CTNNA2: variants seen among roughly 807,000 people sequenced by gnomAD.
The protein encoded by CTNNA2 is catenin alpha 2.
A neutral mutation model predicts 101.0 loss-of-function variants in CTNNA2; 42 were observed. That is an observed-to-expected ratio of 0.42 (90% CI 0.32 to 0.54). The LOEUF is 0.54. CTNNA2 is among the 20% of genes least tolerant of loss of function. CTNNA2 has a pLI of 0.14. For missense variants in CTNNA2, 871 were observed against 1,223.1 expected (o/e 0.71, Z 4.29); for synonymous variants, 450 against 456.4 (o/e 0.99, Z 0.18).
At chr2:80,094,180 G>A (rs373326468) in intron 7 of CTNNA2, among the ~76,000 whole-genome samples, 3 of 152,146 alleles carry the variant, frequency 2.0e-5, no homozygotes, top group East Asian at 1.9e-4. Context: ...ATTAATTTTT[G>A]TATAAGGTAT....
At chr2:80,476,156 CATGACCACAGATG>C (rs1339728258) in intron 9 of CTNNA2, among the ~76,000 whole-genome samples, 4 of 152,062 alleles carry the variant, frequency 2.6e-5, no homozygotes, top group African/African-American at 9.7e-5. Flanking sequence ...TAGCTGAACC[CATGACCACAGATG>C]ATGTCTGATT....
At chr2:80,025,964 A>G (rs760466890) in intron 7 of CTNNA2, among the ~76,000 whole-genome samples, 6 of 152,210 alleles carry the variant, frequency 3.9e-5, no homozygotes, top group Admixed American at 6.5e-5. Context: ...CACAAGCAAC[A>G]TAAGTAAGCA....
At chr2:79,570,027 A>T (rs758958047) in intron 1 of CTNNA2, among the ~76,000 whole-genome samples, 21 of 152,198 alleles carry the variant, frequency 1.4e-4, no homozygotes, top group African/African-American at 1.4e-4. Context: ...TAGAGAATTT[A>T]TTCTATATCT....
chr2:80,174,913 C>T (rs1343606361), intron 7 of CTNNA2, among the ~76,000 whole-genome samples: 1 of 152,096 alleles, frequency 6.6e-6, no homozygotes, highest in Non-Finnish European at 1.5e-5. Flanking sequence ...TATTAGCAAC[C>T]CCTCTGGCCT....
chr2:79,814,982 G>C (rs1256273654), intron 3 of CTNNA2, among the ~76,000 whole-genome samples: 1 of 152,052 alleles, frequency 6.6e-6, no homozygotes, highest in East Asian at 1.9e-4. Flanking sequence ...TGGGAGTAAG[G>C]TGGTATCACA....
At chr2:80,346,199 AG>A (rs1443071781) in intron 7 of CTNNA2, among the ~76,000 whole-genome samples, 1 of 152,242 alleles carries the variant, frequency 6.6e-6, no homozygotes, top group African/African-American at 2.4e-5. Context: ...ATTGCTTTAA[AG>A]AAACACCTGT....
intron 2 of CTNNA2, among the ~76,000 whole-genome samples, chr2:79,685,508 A>T (rs991959132): frequency 1.3e-5 from 2 of 152,186 alleles, no homozygotes; most frequent in African/African-American, 4.8e-5. Context: ...CAACCTCAAC[A>T]TGCGACCCCC....
rs571267209 is a variant in CTNNA2, at chr2:79,693,509, G to A, written c.102+41851G>A. Among the ~76,000 whole-genome samples, 225 of 152,036 alleles carry A rather than the reference G, an allele frequency of 1.5e-3. 1 individual carries two copies. The highest frequency in any genetic ancestry group is 9.1e-3 in the South Asian group (44 of 4,822). The stretch of plus-strand genomic sequence containing the variant: ...TTACAAGCATCAGTGAATACAGTAT[G>A]TTTTTGTACTAATGGGAATAATTCA... On this transcript the variant is annotated intron_variant, in intron 2 of 18. Coordinates refer to ENST00000402739, the MANE Select transcript of CTNNA2 (RefSeq NM_001282597.3).
At chr2:80,107,579 G>A (rs912622156) in intron 7 of CTNNA2, among the ~76,000 whole-genome samples, 7 of 152,330 alleles carry the variant, frequency 4.6e-5, no homozygotes, top group Middle Eastern at 3.4e-3. Context: ...TCCTTCAAGT[G>A]TCTGGGCAAC....
At chr2:80,581,524 T>G (rs1267688359) in intron 13 of CTNNA2, among the ~76,000 whole-genome samples, 182 bp from the exon 14 acceptor site, 4 of 152,048 alleles carry the variant, frequency 2.6e-5, no homozygotes, top group Admixed American at 6.5e-5. Flanking sequence ...TAAAGTAAAT[T>G]AGGGCAGCTT....
intron 9 of CTNNA2, among the ~76,000 whole-genome samples, chr2:80,506,193 A>G (rs1688263689): frequency 6.6e-6 from 1 of 152,172 alleles, no homozygotes; most frequent in African/African-American, 2.4e-5. Context: ...TGAATGACCA[A>G]TGGAATCAGA....
chr2:79,492,062 A>T (rs1671211156), intron 4 of CTNNA2, among the ~76,000 whole-genome samples: 1 of 152,172 alleles, frequency 6.6e-6, no homozygotes, highest in South Asian at 2.1e-4. Flanking sequence ...TTATTTTGAG[A>T]CAATCAAAAT....
At position 79,651,644 on chromosome 2, in the gene CTNNA2, C is replaced by G. The variant is rs754644562; in HGVS notation, c.88C>G (p.Pro30Ala). Residue 30 changes from proline (P) to alanine (A), a missense_variant, in exon 2 of 19, where the codon CCA (proline) becomes GCA (alanine). By Grantham distance (27) the Pro-to-Ala change is conservative. Coordinates refer to ENST00000402739, the MANE Select transcript of CTNNA2 (RefSeq NM_001282597.3). ...GCTAACAGTGGAAAGGCTGTTGGAG[C>G]CACTTGTTACACAGGTAAGGGATGC... is the stretch of plus-strand genomic sequence containing the variant. Reference protein sequence around the residue: ...RTLTVERLLEPLVTQVTTLVN... With the variant: ...RTLTVERLLEALVTQVTTLVN... 6.2e-7 allele frequency: 1 copy of G among 1,613,622 alleles called. No homozygotes were observed. Among genetic ancestry groups the G allele is most frequent in the Non-Finnish European group, 8.5e-7 (1 of 1,179,722 alleles).
chr2:80,277,115 A>G (rs1673968135), intron 7 of CTNNA2, among the ~76,000 whole-genome samples: 1 of 152,176 alleles, frequency 6.6e-6, no homozygotes, highest in Non-Finnish European at 1.5e-5. Context: ...TTAAGATTAT[A>G]GATTCCTTAT....
At chr2:79,367,050 T>C (rs1363305547) in intron 3 of CTNNA2, among the ~76,000 whole-genome samples, 1 of 152,128 alleles carries the variant, frequency 6.6e-6, no homozygotes. Flanking sequence ...TGAGAGTTAA[T>C]TAGGGTTACA....
chr2:80,064,339 C>T (rs1697822963), intron 7 of CTNNA2, among the ~76,000 whole-genome samples: 2 of 152,062 alleles, frequency 1.3e-5, no homozygotes, highest in African/African-American at 4.8e-5. Context: ...TTGACAAGGC[C>T]CCAGATGATT....
At chr2:80,395,927 C>T (rs915059458) in intron 8 of CTNNA2, among the ~76,000 whole-genome samples, 34 of 152,188 alleles carry the variant, frequency 2.2e-4, no homozygotes, top group African/African-American at 8.2e-4. Flanking sequence ...TCATGTCCCG[C>T]TCTTTCAGTC....
chr2:79,651,896 G>T (rs1210431308), intron 2 of CTNNA2, among the ~76,000 whole-genome samples: 1 of 152,160 alleles, frequency 6.6e-6, no homozygotes. Flanking sequence ...TTGAAGAGGG[G>T]TCCTTGGTGA....
intron 4 of CTNNA2, among the ~76,000 whole-genome samples, chr2:79,451,835 A>C (rs964066970): frequency 2.0e-5 from 3 of 151,606 alleles, no homozygotes; most frequent in African/African-American, 7.3e-5. Flanking sequence ...TGTATGCTAG[A>C]TATAGTGAAT....
Sources: gnomAD v4.1 joint callset for allele counts (sites outside exome capture counted in the v4.1 genomes callset) on GRCh38, gnomAD v4.1.1 for gene constraint, MANE v1.5 for transcripts, NCBI Gene and HGNC (gene_info 2026-07-23, HGNC 2026-07-21) for gene names.